The following ADCY5 variants were observed in gnomAD, a reference collection of about 807,000 sequenced individuals.
ADCY5 encodes the protein adenylate cyclase 5.
A neutral mutation model predicts 119.7 loss-of-function variants in ADCY5; 30 were observed. That is an observed-to-expected ratio of 0.25 (90% CI 0.19 to 0.34). ADCY5 has a LOEUF of 0.34. Among genes scored for constraint, ADCY5 ranks in the 10% least tolerant of loss-of-function variants. ADCY5 has a pLI of 1.00. For missense variants in ADCY5, 1,324 were observed against 1,775.2 expected, an observed-to-expected ratio of 0.75 and a Z score of 4.57; for synonymous variants, 753 against 762.2, an observed-to-expected ratio of 0.99 and a Z score of 0.20.
chr3:123,393,033 C>A (rs1462973987), intron 1 of ADCY5, among the ~76,000 whole-genome samples: 2 of 152,160 alleles, frequency 1.3e-5, no homozygotes, highest in African/African-American at 4.8e-5. Flanking sequence ...GAATTTCAGT[C>A]CCTGTAATCA....
intron 1 of ADCY5, among the ~76,000 whole-genome samples, chr3:123,373,929 G>C (rs1477733722): frequency 6.6e-6 from 1 of 152,104 alleles, no homozygotes; most frequent in African/African-American, 2.4e-5. Flanking sequence ...CCGCATATTC[G>C]ATGGAGAAGT....
At chr3:123,409,746 T>G (rs758119369) in intron 1 of ADCY5, among the ~76,000 whole-genome samples, 9 of 152,122 alleles carry the variant, frequency 5.9e-5, no homozygotes, top group African/African-American at 2.4e-5. Context: ...GATGCCCCTC[T>G]TGCACCTCAC....
At position 123,310,820 on chromosome 3, in the gene ADCY5, G is replaced by A. The variant is rs148952036; in HGVS notation, c.2442+3415C>T. On this transcript the variant is annotated intron_variant, in intron 12 of 20. Coordinates refer to ENST00000462833, the MANE Select transcript of ADCY5 (RefSeq NM_183357.3). ...GAGTGAAACCAGGACTTGAGGACAC[G>A]ATGAAGACCAAGGCACCAAGTTAGC... Among the ~76,000 whole-genome samples the A allele has an allele frequency of 6.9e-3, 1,053 of 152,266 alleles. 3 individuals are homozygous for A. Among genetic ancestry groups the A allele is most frequent in the Admixed American group, 9.0e-3 (137 of 15,300 alleles).
At chr3:123,415,021 G>A (rs114339400) in intron 1 of ADCY5, among the ~76,000 whole-genome samples, 2,088 of 152,246 alleles carry the variant, frequency 0.014, 45 homozygotes, top group African/African-American at 0.047. Flanking sequence ...CGGCCCCTTG[G>A]GTCCCTAGAG....
intron 8 of ADCY5, among the ~76,000 whole-genome samples, chr3:123,321,213 A>T (rs1408865714): frequency 1.3e-5 from 2 of 152,324 alleles, no homozygotes; most frequent in Admixed American, 6.5e-5. Flanking sequence ...CTCCTTGTGT[A>T]CATCACACCG....
At chr3:123,446,432 A>C (rs1016600714) in intron 1 of ADCY5, among the ~76,000 whole-genome samples, 3 of 152,190 alleles carry the variant, frequency 2.0e-5, no homozygotes, top group Admixed American at 1.3e-4. Context: ...GGACTCTCAC[A>C]GTGGAGCAGC....
intron 1 of ADCY5, among the ~76,000 whole-genome samples, chr3:123,383,965 C>T (rs574580140): frequency 3.2e-4 from 42 of 131,368 alleles, no homozygotes; most frequent in African/African-American, 9.7e-4. Flanking sequence ...CACGTGCGCG[C>T]GCGCACACAC....
At chr3:123,410,469 T>C (rs1453518018) in intron 1 of ADCY5, among the ~76,000 whole-genome samples, 2 of 152,210 alleles carry the variant, frequency 1.3e-5, no homozygotes, top group Non-Finnish European at 1.5e-5. Flanking sequence ...TAATCTCCTA[T>C]TATTCCAACA....
chr3:123,424,672 CT>C (rs891639167), intron 1 of ADCY5, among the ~76,000 whole-genome samples: 1 of 152,180 alleles, frequency 6.6e-6, no homozygotes, highest in African/African-American at 2.4e-5. Flanking sequence ...GACCGTCCTC[CT>C]GATGGCTTCT....
At chr3:123,437,951 T>C (rs1945650557) in intron 1 of ADCY5, among the ~76,000 whole-genome samples, 1 of 152,186 alleles carries the variant, frequency 6.6e-6, no homozygotes, top group Non-Finnish European at 1.5e-5. Flanking sequence ...ATTTATTTTA[T>C]AAAGGATTTC....
intron 3 of ADCY5, among the ~76,000 whole-genome samples, chr3:123,347,048 G>T (rs2108477828): frequency 6.6e-6 from 1 of 152,272 alleles, no homozygotes; most frequent in Admixed American, 6.5e-5. Context: ...GGTGCAGCCT[G>T]GCTGTACCAC....
Position 123,352,161 on chromosome 3 carries a change from C to G in ADCY5, c.1284+271G>C, listed in dbSNP as rs961963706. Among the ~76,000 whole-genome samples the G allele has an allele frequency of 1.3e-5, 2 of 152,070 alleles. No homozygotes were observed. The highest frequency in any genetic ancestry group is 2.9e-5 in the Non-Finnish European group (2 of 67,994). ...GCCGTGTGGGGAGGGAGAGAGGGAC[C>G]CTCTGGCTGCTGGGCTTGTTTGCAA... is the stretch of plus-strand genomic sequence containing the variant. On this transcript the variant is annotated intron_variant, in intron 2 of 20. Transcript: ENST00000462833. The surrounding 1 kb of genome is among the most constrained non-coding windows in gnomAD (Gnocchi z 4.8).
rs1214052132 is a variant in ADCY5 at position 123,400,951 on chromosome 3, GAAATAA to G, written c.1134+46455_1134+46460del. On this transcript the variant is annotated intron_variant, in intron 1 of 20. Coordinates refer to ENST00000462833, the MANE Select transcript of ADCY5 (RefSeq NM_183357.3). ...AACAAAACTCCGTCTCAAAAAAAAA[GAAATAA>G]AAATAAAAATAAATAAATAAATAAA... is the stretch of plus-strand genomic sequence containing the variant. Among the ~76,000 whole-genome samples the G allele has an allele frequency of 1.7e-4, 26 of 151,004 alleles. 1 individual carries two copies. The highest frequency in any genetic ancestry group is 1.2e-3 in the Admixed American group (18 of 15,160).
chr3:123,344,607 T>A (rs191058678), intron 3 of ADCY5, among the ~76,000 whole-genome samples: 1 of 152,184 alleles, frequency 6.6e-6, no homozygotes, highest in Non-Finnish European at 1.5e-5. Context: ...GTAGGGGCAA[T>A]GTGCAGAACT....
chr3:123,375,298 A>C (rs781241042), intron 1 of ADCY5, among the ~76,000 whole-genome samples: 1 of 152,260 alleles, frequency 6.6e-6, no homozygotes, highest in Non-Finnish European at 1.5e-5. Flanking sequence ...GCCTCAGAGA[A>C]GGAAGCATAC....
chr3:123,362,651 T>C (rs1034447833), intron 1 of ADCY5, among the ~76,000 whole-genome samples: 3 of 152,146 alleles, frequency 2.0e-5, no homozygotes, highest in Non-Finnish European at 2.9e-5. Context: ...CACCTTGCCC[T>C]CTAGGACTCC....
intron 3 of ADCY5, among the ~76,000 whole-genome samples, chr3:123,345,599 T>G (rs1017788908): frequency 7.2e-5 from 11 of 152,248 alleles, no homozygotes; most frequent in Middle Eastern, 3.4e-3. Context: ...CCTTCCCACT[T>G]TAAACCTGAG....
At chr3:123,402,574 G>C (rs1193634797) in intron 1 of ADCY5, among the ~76,000 whole-genome samples, 1 of 149,260 alleles carries the variant, frequency 6.7e-6, no homozygotes, top group Non-Finnish European at 1.5e-5. Flanking sequence ...TAGTCGGCTG[G>C]GCGTGGTGGC....
chr3:123,321,254 A>G (rs776198778), intron 8 of ADCY5, among the ~76,000 whole-genome samples: 71 of 152,078 alleles, frequency 4.7e-4, no homozygotes, highest in Non-Finnish European at 2.1e-4. Context: ...GAGTTCGCAC[A>G]TTTTGCACTT....
Sources: allele counts gnomAD v4.1 joint callset (sites outside exome capture counted in the v4.1 genomes callset), GRCh38; gene constraint gnomAD v4.1.1; non-coding constraint Gnocchi (gnomAD v3.1); transcripts MANE v1.5; gene names NCBI Gene and HGNC (gene_info 2026-07-23, HGNC 2026-07-21).